Variants in SV2B observed in about 807,000 individuals in gnomAD.
SV2B encodes synaptic vesicle glycoprotein 2B, also known as solute carrier family 22 member B2.
A neutral mutation model predicts 73.9 loss-of-function variants in SV2B; 41 were observed. The ratio of observed to expected loss-of-function variants is 0.56; its 90% CI spans 0.43 to 0.72. The LOEUF (loss-of-function observed/expected upper bound fraction) is 0.72. Among genes scored for constraint, SV2B ranks in the 30% least tolerant of loss-of-function variants. The probability of loss-of-function intolerance (pLI) is 0.00; values close to 1 mark genes in which losing one functional copy is unlikely to be tolerated. For synonymous variants in SV2B, 314 were observed against 314.2 expected, an observed-to-expected ratio of 1.00 and a Z score of 0.01; for missense variants, 764 against 857.8, an observed-to-expected ratio of 0.89 and a Z score of 1.37.
intron 9 of SV2B, among the ~76,000 whole-genome samples, chr15:91,272,275 T>C (rs1199969847): frequency 6.6e-6 from 1 of 152,216 alleles, no homozygotes; most frequent in Non-Finnish European, 1.5e-5. Flanking sequence ...GCTTCCTTTA[T>C]TGTTAGCTAA....
At chr15:91,179,170 C>G (rs537371241) in intron 1 of SV2B, among the ~76,000 whole-genome samples, 2 of 152,068 alleles carry the variant, frequency 1.3e-5, no homozygotes. Context: ...CATTCAGGAG[C>G]AGATTGTTCA....
At chr15:91,276,170 A>AT (rs1051795160) in intron 9 of SV2B, among the ~76,000 whole-genome samples, 3 of 150,536 alleles carry the variant, frequency 2.0e-5, no homozygotes, top group South Asian at 2.1e-4. Flanking sequence ...TTATTTATTA[A>AT]TTTTTTTGTA....
intron 1 of SV2B, among the ~76,000 whole-genome samples, chr15:91,177,309 T>G (rs113783988): frequency 0.37 from 55,658 of 150,238 alleles, 11,536 homozygotes; most frequent in African/African-American, 0.55. Flanking sequence ...GTAGTATAGT[T>G]TGAAGTCAGG....
At chr15:91,263,741 C>A (rs984137187) in intron 6 of SV2B, among the ~76,000 whole-genome samples, 4 of 152,130 alleles carry the variant, frequency 2.6e-5, no homozygotes, top group African/African-American at 9.7e-5. Flanking sequence ...CCATACCAAG[C>A]GTTTGGGTTG....
intron 1 of SV2B, among the ~76,000 whole-genome samples, chr15:91,175,062 G>A (rs1008820630): frequency 1.3e-5 from 2 of 152,170 alleles, no homozygotes; most frequent in African/African-American, 4.8e-5. Context: ...CAAATATATA[G>A]TGTCCTGTTC....
chr15:91,232,273 AGTT>A lies in SV2B; in HGVS notation c.451+5563_451+5565del, dbSNP rs2046607166. 6.6e-6 allele frequency among the ~76,000 whole-genome samples: 1 copy of A among 152,208 alleles called. No homozygotes were observed. Among genetic ancestry groups the A allele is most frequent in the Admixed American group, 6.5e-5 (1 of 15,270 alleles). ...TTTCTTTCTGTGTTTGATTTATATC[AGTT>A]GTTCTTATTTATACTGTTTAGATCA... On this transcript the variant is annotated intron_variant, in intron 2 of 12. Coordinates refer to ENST00000394232, the MANE Select transcript of SV2B (RefSeq NM_001323032.3). This position sits in a 1 kb window ranked among gnomAD's most constrained non-coding sequence, Gnocchi z 4.7.
chr15:91,266,189 C>T (rs2048094593), intron 6 of SV2B, among the ~76,000 whole-genome samples: 1 of 152,094 alleles, frequency 6.6e-6, no homozygotes, highest in Admixed American at 6.5e-5. Flanking sequence ...AACAAAACCC[C>T]CCACTGTTTT....
chr15:91,133,910 A>G (rs1022119280), intron 1 of SV2B, among the ~76,000 whole-genome samples: 1 of 151,806 alleles, frequency 6.6e-6, no homozygotes, highest in Non-Finnish European at 1.5e-5. Flanking sequence ...CCACATGCAC[A>G]TGAGGGCTTT....
At chr15:91,188,460 C>T (rs892192445) in intron 1 of SV2B, among the ~76,000 whole-genome samples, 7 of 152,066 alleles carry the variant, frequency 4.6e-5, no homozygotes, top group African/African-American at 1.4e-4. Context: ...ACTACAGGCG[C>T]CTGCCACCAC....
At chr15:91,164,058 A>G (rs542971907) in intron 1 of SV2B, among the ~76,000 whole-genome samples, 1 of 152,224 alleles carries the variant, frequency 6.6e-6, no homozygotes, top group East Asian at 1.9e-4. Flanking sequence ...AGGTTTGTCA[A>G]AGATCAGATG....
At chr15:91,287,365 C>T (rs147720091) in intron 11 of SV2B, among the ~76,000 whole-genome samples, 1 of 152,324 alleles carries the variant, frequency 6.6e-6, no homozygotes, top group East Asian at 1.9e-4. Context: ...GTGGGGCACT[C>T]GTGCCCTGTG....
Position 91,281,945 on chromosome 15 carries a change from C to CCTG in SV2B, c.1507+84_1507+85insCTG. ...AAGAATCAAAATGGTCAGGCATAAA[C>CCTG]TTTAGGAGTAGGAAAGTATTCGTAG... On this transcript the variant is annotated intron_variant, in intron 10 of 12. Coordinates refer to ENST00000394232, the MANE Select transcript of SV2B (RefSeq NM_001323032.3). This position sits in a 1 kb window ranked among gnomAD's most constrained non-coding sequence, Gnocchi z 4.7. The CCTG allele has an allele frequency of 6.9e-7, 1 of 1,442,260 alleles. No individual in the cohort carries two copies. Among genetic ancestry groups the CCTG allele is most frequent in the Non-Finnish European group, 9.3e-7 (1 of 1,074,894 alleles). The allele number at this position is 1,442,260 out of a possible 1,614,324, so 89.3% of individuals were successfully genotyped here. A position where few individuals can be genotyped will look rare whatever the true frequency, so the allele number is the denominator to read the frequency against.
Position 91,223,489 on chromosome 15 carries a change from C to A in SV2B, c.-391-2384C>A, listed in dbSNP as rs1054325997. 3.3e-5 allele frequency among the ~76,000 whole-genome samples: 5 copies of A among 152,164 alleles called. No homozygotes were observed. Among genetic ancestry groups the A allele is most frequent in the East Asian group, 1.9e-4 (1 of 5,202 alleles). ...TCTTTCTGCAAAGCAGCTCCCAGAA[C>A]CTTTGCCCTGGGTGGTGAGTCCCAC... On this transcript the variant is annotated intron_variant, in intron 1 of 12. Coordinates refer to ENST00000394232, the MANE Select transcript of SV2B (RefSeq NM_001323032.3). This position sits in a 1 kb window ranked among gnomAD's most constrained non-coding sequence, Gnocchi z 4.6.
At position 91,158,717 on chromosome 15, in the gene SV2B, T is replaced by TTC. The variant is rs1567300777; in HGVS notation, c.-392+58354_-392+58355insTC. Among the ~76,000 whole-genome samples, 145 of 85,152 alleles carry TTC rather than the reference T, an allele frequency of 1.7e-3. 1 individual carries two copies. The highest frequency in any genetic ancestry group is 5.1e-3 in the Middle Eastern group (1 of 196). 55.9% of individuals were successfully genotyped at this position (85,152 alleles called of 152,430 possible). On this transcript the variant is annotated intron_variant, in intron 1 of 12. Transcript: ENST00000394232. ...TTCTCTTCTCTCCTCTCCTCTCCTC[T>TTC]CCTCTCCTCTCTTCTCCTCTTTTTT...
chr15:91,279,300 T>G (rs1449878574), intron 9 of SV2B, among the ~76,000 whole-genome samples: 1 of 152,242 alleles, frequency 6.6e-6, no homozygotes, highest in Non-Finnish European at 1.5e-5. Context: ...TGAATGTGAC[T>G]TTGGTGTAGC....
intron 1 of SV2B, among the ~76,000 whole-genome samples, chr15:91,111,836 G>A (rs1033460667): frequency 6.6e-6 from 1 of 152,124 alleles, no homozygotes; most frequent in African/African-American, 2.4e-5. Flanking sequence ...GAGACAGCAG[G>A]CATGTCACAT....
intron 1 of SV2B, among the ~76,000 whole-genome samples, chr15:91,172,818 G>A (rs568305631): frequency 3.3e-5 from 5 of 152,232 alleles, no homozygotes; most frequent in South Asian, 2.1e-4. Flanking sequence ...ATTAATATAC[G>A]TAAAGTACTA....
rs72750205 is a variant in SV2B at position 91,240,764 on chromosome 15, G to A, written c.452-11055G>A. ...AGGACACCCCTTACCATCCACATTT[G>A]CATTCCCGTATGACACTGTACATGC... On this transcript the variant is annotated intron_variant, in intron 2 of 12. Transcript: ENST00000394232. This position sits in a 1 kb window ranked among gnomAD's most constrained non-coding sequence, Gnocchi z 4.6. 1.1e-3 allele frequency among the ~76,000 whole-genome samples: 163 copies of A among 152,114 alleles called. No individual in the cohort carries two copies. The highest frequency in any genetic ancestry group is 2.7e-3 in the South Asian group (13 of 4,816).
Position 91,252,638 on chromosome 15 carries a change from T to C in SV2B, c.784+118T>C. ...TCACGCACAGTTCCCGTACGTGACC[T>C]TGATCTTTCTTAACAACTTCTAACA... On this transcript the variant is annotated intron_variant, in intron 4 of 12. Coordinates refer to ENST00000394232, the MANE Select transcript of SV2B (RefSeq NM_001323032.3). This position sits in a 1 kb window ranked among gnomAD's most constrained non-coding sequence, Gnocchi z 4.6. 9.2e-7 allele frequency: 1 copy of C among 1,091,008 alleles called. No homozygotes were observed. The highest frequency in any genetic ancestry group is 1.2e-6 in the Non-Finnish European group (1 of 843,150). The allele number at this position is 1,091,008 out of a possible 1,614,324, so 67.6% of individuals were successfully genotyped here.
Sources: allele counts gnomAD v4.1 joint callset (sites outside exome capture counted in the v4.1 genomes callset), GRCh38; gene constraint gnomAD v4.1.1; non-coding constraint Gnocchi (gnomAD v3.1); transcripts MANE v1.5; gene names NCBI Gene and HGNC (gene_info 2026-07-23, HGNC 2026-07-21).